The following ETF1 variants were observed in gnomAD, a reference collection of about 807,000 sequenced individuals.
ETF1 encodes the protein eukaryotic peptide chain release factor subunit 1.
ETF1 carries 4 observed loss-of-function variants against 55.1 expected under a neutral mutation model. The observed-to-expected ratio is 0.07, with a 90% CI of 0.04 to 0.17. ETF1 has a LOEUF of 0.17. ETF1 is among the 10% of genes least tolerant of loss of function. ETF1 has a pLI of 1.00. For synonymous variants in ETF1, 157 were observed against 182.3 expected (o/e 0.86, Z 1.12); for missense variants, 142 against 523.6 (o/e 0.27, Z 7.11).
chr5:138,529,759 A>G (rs1334873739), intron 2 of ETF1: 1 of 974,464 alleles, frequency 1.0e-6, no homozygotes, highest in East Asian at 1.1e-4. Flanking sequence ...AAGTAGAAAG[A>G]TAATTTTTTT....
At position 138,524,578 on chromosome 5, in the gene ETF1, G is replaced by A. The variant is rs998197395; in HGVS notation, c.87-5711C>T. On this transcript the variant is annotated intron_variant, in intron 2 of 10. Coordinates refer to ENST00000360541, the MANE Select transcript of ETF1 (RefSeq NM_004730.4). ...TTAAAAAAAAAAAAAATTTCTTTCCGTTTTTTGTTTTTTTTTTTGAGACAG... is the reference window on the plus strand; with the variant it reads ...TTAAAAAAAAAAAAAATTTCTTTCCATTTTTTGTTTTTTTTTTTGAGACAG... 8.3e-5 allele frequency among the ~76,000 whole-genome samples: 11 copies of A among 132,996 alleles called. 1 individual carries two copies. Among genetic ancestry groups the A allele is most frequent in the African/African-American group, 1.7e-4 (6 of 35,974 alleles). 87.3% of individuals were successfully genotyped at this position (132,996 alleles called of 152,430 possible).
intron 2 of ETF1, among the ~76,000 whole-genome samples, chr5:138,535,495 G>A (rs960797920): frequency 1.4e-4 from 21 of 151,720 alleles, no homozygotes; most frequent in Non-Finnish European, 2.4e-4. Flanking sequence ...CGAGGCGGGC[G>A]GATCACCTGA....
intron 9 of ETF1, 46 bp downstream of exon 9, chr5:138,510,519 G>T: frequency 6.9e-7 from 1 of 1,449,970 alleles, no homozygotes; most frequent in Non-Finnish European, 9.7e-7. Context: ...CTAACACACG[G>T]ATTTACGCTT....
chr5:138,508,379 G>A lies in ETF1; in HGVS notation c.1240C>T (p.Arg414Trp), dbSNP rs1469712264. 6.2e-7 allele frequency: 1 copy of A among 1,613,798 alleles called. No homozygotes were observed. The stretch of plus-strand genomic sequence containing the variant: ...ATTCCCTGGAAATCTACTCGGTACC[G>A]CAAGATACCTGGGGAAACAAACCAA... ...KGFGGIGGIL[R>W]YRVDFQGMEY... The change falls in exon 11 of 11, where the codon CGG becomes TGG. Residue 414 changes from arginine to tryptophan, a missense_variant. Transcript: ENST00000360541.
intron 2 of ETF1, chr5:138,541,593 C>A: frequency 6.5e-7 from 1 of 1,531,374 alleles, no homozygotes; most frequent in Non-Finnish European, 8.7e-7. Flanking sequence ...CTTGGAGGGG[C>A]TGTCATTCTA....
At chr5:138,541,828 T>A (rs1455143119) in intron 2 of ETF1, 5 of 386,870 alleles carry the variant, frequency 1.3e-5, no homozygotes, top group Non-Finnish European at 2.2e-5. Context: ...CAAAATAAAG[T>A]AATAAAAGAA....
rs572848809 is a variant in ETF1, at chr5:138,528,755, T to C, written c.87-9888A>G. 2.0e-5 allele frequency among the ~76,000 whole-genome samples: 3 copies of C among 152,252 alleles called. No homozygotes were observed. In the South Asian group the frequency reaches 6.2e-4, roughly 32 times the overall value. Reference sequence around the variant, plus strand: ...TTACCTTTAAAATAAGACACCTGACTAGGGAGGGGAAATGCAGATTATTAA... The same window carrying C: ...TTACCTTTAAAATAAGACACCTGACCAGGGAGGGGAAATGCAGATTATTAA... On this transcript the variant is annotated intron_variant, in intron 2 of 10. Coordinates refer to ENST00000360541, the MANE Select transcript of ETF1 (RefSeq NM_004730.4).
chr5:138,530,149 G>A (rs1203113052), intron 2 of ETF1, among the ~76,000 whole-genome samples: 1 of 151,698 alleles, frequency 6.6e-6, no homozygotes, highest in Non-Finnish European at 1.5e-5. Context: ...TTCTAAAGAA[G>A]CAAAATAAAA....
chr5:138,539,579 G>A lies in ETF1; in HGVS notation c.86+3254C>T, dbSNP rs154071. ...TACTAGCACACACAAACTAACATTCGACCAGGCTTATCTGAAACCAAATAA... is the reference window on the plus strand; with the variant it reads ...TACTAGCACACACAAACTAACATTCAACCAGGCTTATCTGAAACCAAATAA... On this transcript the variant is annotated intron_variant, in intron 2 of 10. Transcript: ENST00000360541. Among the ~76,000 whole-genome samples, 640 of 152,218 alleles carry A rather than the reference G, an allele frequency of 4.2e-3. 5 individuals are homozygous for A. The highest frequency in any genetic ancestry group is 0.017 in the Middle Eastern group (5 of 294).
intron 3 of ETF1, chr5:138,517,965 G>A (rs1765087681): frequency 1.3e-6 from 1 of 776,792 alleles, no homozygotes; most frequent in South Asian, 5.8e-5. Context: ...ACTCTGGGAG[G>A]CCGAGGTAGG....
intron 2 of ETF1, among the ~76,000 whole-genome samples, chr5:138,537,443 AT>A: frequency 1.3e-5 from 2 of 152,226 alleles, no homozygotes; most frequent in Non-Finnish European, 2.9e-5. Context: ...TCCAAGATTA[AT>A]GTCCATAGTT....
chr5:138,528,493 C>G (rs1765567333), intron 2 of ETF1, among the ~76,000 whole-genome samples: 1 of 152,134 alleles, frequency 6.6e-6, no homozygotes, highest in Non-Finnish European at 1.5e-5. Flanking sequence ...GCAAATACAC[C>G]TAAGAATGTA....
intron 2 of ETF1, among the ~76,000 whole-genome samples, chr5:138,532,001 G>A (rs1202967153): frequency 6.6e-6 from 1 of 152,002 alleles, no homozygotes; most frequent in African/African-American, 2.4e-5. Context: ...AGCCGAGATC[G>A]AGCCACTGCA....
At chr5:138,534,920 G>GA (rs887846218) in intron 2 of ETF1, among the ~76,000 whole-genome samples, 9 of 101,928 alleles carry the variant, frequency 8.8e-5, no homozygotes, top group Non-Finnish European at 2.2e-4. Flanking sequence ...AGGTTATAAG[G>GA]GGGGGGGTCA....
In ETF1 at chr5:138,524,819, G is replaced by A. The variant is rs542762393; in HGVS notation, c.87-5952C>T. On this transcript the variant is annotated intron_variant, in intron 2 of 10. Transcript: ENST00000360541. ...TCTTGATCTCCTGACTTCATGATCC[G>A]CCCGCCTTGGCCTCCCAAAGTGCTG... Among the ~76,000 whole-genome samples, 30 of 151,900 alleles carry A rather than the reference G, an allele frequency of 2.0e-4. No homozygotes were observed. In the East Asian group the frequency reaches 4.3e-3, roughly 22 times the overall value.
chr5:138,510,707 G>GA, intron 8 of ETF1, 78 bp from the exon 9 acceptor site: 3 of 1,566,186 alleles, frequency 1.9e-6, no homozygotes, highest in Non-Finnish European at 2.6e-6. Flanking sequence ...GATGAGGTTA[G>GA]ATGAGAAAAG....
intron 9 of ETF1, among the ~76,000 whole-genome samples, chr5:138,509,692 C>T (rs1016647567): frequency 2.6e-5 from 4 of 151,390 alleles, no homozygotes; most frequent in Admixed American, 1.3e-4. Context: ...GTCAGGAGTT[C>T]GAGACCAGCC....
chr5:138,516,662 G>A (rs1021289296), intron 4 of ETF1, among the ~76,000 whole-genome samples: 2 of 152,170 alleles, frequency 1.3e-5, no homozygotes, highest in Non-Finnish European at 2.9e-5. Flanking sequence ...AATGACTAGT[G>A]TCATAATAAA....
chr5:138,528,575 G>C (rs1036389851), intron 2 of ETF1, among the ~76,000 whole-genome samples: 1 of 152,068 alleles, frequency 6.6e-6, no homozygotes, highest in Non-Finnish European at 1.5e-5. Context: ...TTTTTGTTTG[G>C]TAGATTTCTA....
Sources: allele counts gnomAD v4.1 joint callset (sites outside exome capture counted in the v4.1 genomes callset), GRCh38; gene constraint gnomAD v4.1.1; transcripts MANE v1.5; gene names NCBI Gene and HGNC (gene_info 2026-07-23, HGNC 2026-07-21).